MOK: variants seen among roughly 807,000 people sequenced by gnomAD.
MOK encodes the protein MAPK/MAK/MRK overlapping kinase.
MOK carries 59 observed loss-of-function variants against 54.2 expected under a neutral mutation model. The observed-to-expected ratio is 1.09, with a 90% CI of 0.88 to 1.35. The LOEUF (loss-of-function observed/expected upper bound fraction) is 1.35, where lower values mean the gene tolerates loss of function less well. Among genes scored for constraint, MOK ranks in the 40% most tolerant of loss-of-function variants. The pLI, the probability that MOK is intolerant of heterozygous loss-of-function variation, is 0.00. For missense variants in MOK, 517 were observed against 526.2 expected (o/e 0.98, Z 0.17); for synonymous variants, 210 against 202.7 (o/e 1.04, Z -0.31).
intron 4 of MOK, among the ~76,000 whole-genome samples, chr14:102,256,724 T>TAAAA (rs11298006): frequency 7.4e-6 from 1 of 135,820 alleles, no homozygotes; most frequent in African/African-American, 2.6e-5. Context: ...TTGAAACAGT[T>TAAAA]AAAAAAAAAA....
Position 102,229,492 on chromosome 14 carries a change from G to A in MOK, c.1147C>T (p.Leu383=). Residue 383 remains leucine (L), a synonymous_variant, in exon 11 of 12, where the codon CTG becomes TTG. Transcript: ENST00000361847. ...GCAGGGATGCACTTCAAGGGTCTCA[G>A]CACCGGCACTCTTCCATTTGTTCCA... is the stretch of plus-strand genomic sequence containing the variant. ...GSGTNGRVPV[L]RPLKCIPASK... 2 of 1,614,208 alleles carry A rather than the reference G, an allele frequency of 1.2e-6. No individual in the cohort carries two copies. Among genetic ancestry groups the A allele is most frequent in the Non-Finnish European group, 1.7e-6 (2 of 1,180,032 alleles).
rs1223032396 is a variant in MOK, at chr14:102,236,605, C to T, written c.591-2816G>A. Reference sequence around the variant, plus strand: ...CTCAACCGGAGTCCCTCCTACTCCTCTATGCGAGTCCAGCCCCTGACCCCT... The same window carrying T: ...CTCAACCGGAGTCCCTCCTACTCCTTTATGCGAGTCCAGCCCCTGACCCCT... On this transcript the variant is annotated intron_variant, in intron 7 of 11. Transcript: ENST00000361847. This position sits in a 1 kb window ranked among gnomAD's most constrained non-coding sequence, Gnocchi z 4.5. 1.3e-5 allele frequency among the ~76,000 whole-genome samples: 2 copies of T among 152,186 alleles called. No homozygotes were observed. Among genetic ancestry groups the T allele is most frequent in the Non-Finnish European group, 2.9e-5 (2 of 68,036 alleles).
chr14:102,249,557 A>T lies in MOK; in HGVS notation c.590+1255T>A, dbSNP rs2066366532. On this transcript the variant is annotated intron_variant, in intron 7 of 11. Transcript: ENST00000361847. The surrounding 1 kb of genome is among the most constrained non-coding windows in gnomAD (Gnocchi z 5.3). ...AAACCCCGTCTCTACTAAAAATACA[A>T]AATTAGCCGGGCGTGGTGGTGCATG... Among the ~76,000 whole-genome samples, 1 of 152,120 alleles carries T rather than the reference A, an allele frequency of 6.6e-6. No individual in the cohort carries two copies. Among genetic ancestry groups the T allele is most frequent in the African/African-American group, 2.4e-5 (1 of 41,426 alleles).
chr14:102,285,983 G>C (rs985395670), intron 1 of MOK, among the ~76,000 whole-genome samples: 1 of 152,132 alleles, frequency 6.6e-6, no homozygotes, highest in Non-Finnish European at 1.5e-5. Context: ...AGGGCAATTT[G>C]GCAGCAGCTA....
chr14:102,277,073 G>A (rs1490505404), intron 2 of MOK, among the ~76,000 whole-genome samples: 3 of 136,556 alleles, frequency 2.2e-5, no homozygotes, highest in East Asian at 4.2e-4. Context: ...TTCTTCATAC[G>A]ACATACAGAC....
chr14:102,295,056 C>G (rs899256671), intron 1 of MOK, among the ~76,000 whole-genome samples: 1 of 152,180 alleles, frequency 6.6e-6, no homozygotes, highest in Admixed American at 6.5e-5. Context: ...CCAACAAGAT[C>G]TGGCGTATTT....
At chr14:102,271,261 T>G (rs764794385) in intron 2 of MOK, among the ~76,000 whole-genome samples, 1 of 152,202 alleles carries the variant, frequency 6.6e-6, no homozygotes, top group Non-Finnish European at 1.5e-5. Context: ...TTATTTGGCA[T>G]AGTTCTGGTT....
chr14:102,263,482 A>G (rs991398419), intron 4 of MOK, 64 bp downstream of exon 4: 35 of 1,153,390 alleles, frequency 3.0e-5, no homozygotes, highest in Non-Finnish European at 4.4e-5. Context: ...AGAATAACTA[A>G]GCATATATGA....
rs943850373 is a variant in MOK, at chr14:102,232,439, G to A, written c.866+96C>T. 66 of 1,399,570 alleles carry A rather than the reference G, an allele frequency of 4.7e-5. No individual in the cohort carries two copies. In the East Asian group the frequency reaches 1.5e-3, roughly 33 times the overall value. 86.7% of individuals were successfully genotyped at this position (1,399,570 alleles called of 1,614,324 possible). The stretch of plus-strand genomic sequence containing the variant: ...GAGAGCGCGATTCCCAAGAACCAGG[G>A]ACCCTCCAGGGGGCAGTACCTTGCC... On this transcript the variant is annotated intron_variant, in intron 9 of 11. Transcript: ENST00000361847. The surrounding 1 kb of genome is among the most constrained non-coding windows in gnomAD (Gnocchi z 5.1).
chr14:102,278,954 A>G (rs1459101614), intron 2 of MOK, among the ~76,000 whole-genome samples: 1 of 152,230 alleles, frequency 6.6e-6, no homozygotes, highest in Non-Finnish European at 1.5e-5. Context: ...CTTCATCTGC[A>G]TTATTTAATT....
At chr14:102,234,374 C>T (rs1446153705) in intron 7 of MOK, among the ~76,000 whole-genome samples, 2 of 152,072 alleles carry the variant, frequency 1.3e-5, no homozygotes, top group Non-Finnish European at 2.9e-5. Flanking sequence ...ACCATCAAAG[C>T]CTCCGCCAGG....
chr14:102,226,826 G>A (rs995278262), downstream of MOK, among the ~76,000 whole-genome samples: 1 of 152,178 alleles, frequency 6.6e-6, no homozygotes, highest in Non-Finnish European at 1.5e-5. This position sits in a 1 kb window ranked among gnomAD's most constrained non-coding sequence, Gnocchi z 4.8. Context: ...CACAAACCCC[G>A]CCGCTCCTCC....
At chr14:102,266,308 T>C (rs2153139067) in intron 2 of MOK, among the ~76,000 whole-genome samples, 1 of 144,552 alleles carries the variant, frequency 6.9e-6, no homozygotes, top group South Asian at 2.2e-4. Context: ...CCACCCCTCC[T>C]TTTTTTTTTT....
At chr14:102,246,557 C>T (rs1335008040) in intron 7 of MOK, among the ~76,000 whole-genome samples, 1 of 152,126 alleles carries the variant, frequency 6.6e-6, no homozygotes, top group Non-Finnish European at 1.5e-5. Context: ...GCGTATCCCT[C>T]CTCTCCACAA....
chr14:102,305,089 G>A lies in MOK; in HGVS notation c.-121C>T. The A allele has an allele frequency of 8.3e-7, 1 of 1,201,220 alleles. No individual in the cohort carries two copies. Among genetic ancestry groups the A allele is most frequent in the Admixed American group, 2.0e-5 (1 of 50,170 alleles). 74.4% of individuals were successfully genotyped at this position (1,201,220 alleles called of 1,614,324 possible). On this transcript the variant is annotated 5_prime_UTR_variant, in exon 1 of 12. Coordinates refer to ENST00000361847, the MANE Select transcript of MOK (RefSeq NM_014226.3). Reference sequence around the variant, plus strand: ...GGGGTCCCGCACTAGGATCTCCGTGGTGGTCCCTCGAAGGAGAGCGTTAGA... The same window carrying A: ...GGGGTCCCGCACTAGGATCTCCGTGATGGTCCCTCGAAGGAGAGCGTTAGA...
rs913861744 is a variant in MOK, at chr14:102,273,169, C to CA, written c.123-7258dup. ...TGGGCAACAGAGCAAAACTCCGTCT[C>CA]AAAAAAAAAAGTCATCAACATTGGG... On this transcript the variant is annotated intron_variant, in intron 2 of 11. Coordinates refer to ENST00000361847, the MANE Select transcript of MOK (RefSeq NM_014226.3). 4.6e-4 allele frequency among the ~76,000 whole-genome samples: 63 copies of CA among 136,704 alleles called. 1 individual carries two copies. Among genetic ancestry groups the CA allele is most frequent in the Admixed American group, 1.6e-3 (21 of 13,232 alleles). The allele number at this position is 136,704 out of a possible 152,430, so 89.7% of individuals were successfully genotyped here. A position where few individuals can be genotyped will look rare whatever the true frequency, so the allele number is the denominator to read the frequency against.
chr14:102,254,712 C>T (rs923768805), intron 4 of MOK, among the ~76,000 whole-genome samples: 2 of 152,202 alleles, frequency 1.3e-5, no homozygotes, highest in African/African-American at 4.8e-5. Context: ...TGGGGCCCCA[C>T]AGTCGCCTAA....
At chr14:102,269,311 T>G (rs1387830641) in intron 2 of MOK, among the ~76,000 whole-genome samples, 1 of 149,498 alleles carries the variant, frequency 6.7e-6, no homozygotes, top group African/African-American at 2.5e-5. Context: ...CTCAGCCTCC[T>G]GAGTAGCTGG....
rs1414969614 is a variant in MOK, at chr14:102,232,464, C to G, written c.866+71G>C. The G allele has an allele frequency of 6.6e-7, 1 of 1,526,388 alleles. No homozygotes were observed. The highest frequency in any genetic ancestry group is 1.4e-5 in the African/African-American group (1 of 72,806). The allele number at this position is 1,526,388 out of a possible 1,614,324, so 94.6% of individuals were successfully genotyped here. On this transcript the variant is annotated intron_variant, in intron 9 of 11. Coordinates refer to ENST00000361847, the MANE Select transcript of MOK (RefSeq NM_014226.3). This position sits in a 1 kb window ranked among gnomAD's most constrained non-coding sequence, Gnocchi z 5.1. ...GACCCTCCAGGGGGCAGTACCTTGC[C>G]CCACCATGTGCCCATGGGTCTCATT...
Sources: allele counts gnomAD v4.1 joint callset (sites outside exome capture counted in the v4.1 genomes callset), GRCh38; gene constraint gnomAD v4.1.1; non-coding constraint Gnocchi (gnomAD v3.1); transcripts MANE v1.5; gene names NCBI Gene and HGNC (gene_info 2026-07-23, HGNC 2026-07-21).